PCDHA4: variants seen among roughly 807,000 people sequenced by gnomAD.
The protein encoded by PCDHA4 is protocadherin alpha 4.
PCDHA4 carries 49 observed loss-of-function variants against 61.4 expected under a neutral mutation model. That is an observed-to-expected ratio of 0.80 (90% confidence interval 0.63 to 1.01). The LOEUF is 1.01. PCDHA4 is among the 50% of genes least tolerant of loss of function. The probability of loss-of-function intolerance (pLI) is 0.00; values close to 1 mark genes in which losing one functional copy is unlikely to be tolerated. For synonymous variants in PCDHA4, 590 were observed against 550.3 expected (o/e 1.07, Z -1.01); for missense variants, 1,254 against 1,235.8 (o/e 1.01, Z -0.22).
intron 1 of PCDHA4, among the ~76,000 whole-genome samples, chr5:140,950,402 G>A (rs1459486068): frequency 6.6e-6 from 1 of 151,846 alleles, no homozygotes; most frequent in African/African-American, 2.4e-5. Context: ...AATTCTGGGG[G>A]ATTGACAGAT....
At chr5:140,920,294 A>T (rs1554199563) in intron 1 of PCDHA4, among the ~76,000 whole-genome samples, 9 of 152,206 alleles carry the variant, frequency 5.9e-5, no homozygotes. Context: ...TTTTAGAGGC[A>T]CTAAGAGAAA....
intron 1 of PCDHA4, chr5:140,882,543 G>A: frequency 6.2e-7 from 1 of 1,614,236 alleles, no homozygotes; most frequent in Non-Finnish European, 8.5e-7. Context: ...CGGATCGACC[G>A]CGAGGAGCTG....
chr5:140,848,256 A>T, intron 1 of PCDHA4: 1 of 476,798 alleles, frequency 2.1e-6, no homozygotes, highest in Admixed American at 3.8e-5. Context: ...ATAACTGTGA[A>T]ATTTTTATTC....
intron 1 of PCDHA4, chr5:140,828,635 G>GTGAAAATAAACAGTGA (rs2150157633): frequency 6.2e-7 from 1 of 1,614,212 alleles, no homozygotes; most frequent in Non-Finnish European, 8.5e-7. Flanking sequence ...CGGGCTAGAT[G>GTGAAAATAAACAGTGA]TGAAAATAAA....
intron 1 of PCDHA4, chr5:140,821,574 GT>G: frequency 1.7e-6 from 1 of 585,200 alleles, no homozygotes; most frequent in East Asian, 3.0e-5. Flanking sequence ...ACACCGGAAG[GT>G]TTTTCTCCCT....
intron 1 of PCDHA4, chr5:140,857,217 C>T: frequency 1.9e-6 from 3 of 1,598,492 alleles, no homozygotes; most frequent in South Asian, 2.2e-5. Flanking sequence ...TCTCTGACGC[C>T]TCACGTTCCG....
chr5:140,937,362 C>A lies in PCDHA4; in HGVS notation c.2386-41587C>A, dbSNP rs151333453. On this transcript the variant is annotated intron_variant, in intron 1 of 3. Coordinates refer to ENST00000530339, the MANE Select transcript of PCDHA4 (RefSeq NM_018907.4). ...TCTTCCATTTATTTTATTATTTTAT[C>A]TTAATGTTTATGTGTGTGTATGTGT... Among the ~76,000 whole-genome samples the A allele has an allele frequency of 4.1e-4, 62 of 152,138 alleles. No individual in the cohort carries two copies. In the East Asian group the frequency reaches 0.01, roughly 25 times the overall value.
Position 140,929,131 on chromosome 5 carries a change from G to A in PCDHA4, c.2386-49818G>A, listed in dbSNP as rs782040825. ...ATCAGCCACCATAGATGTCACTACA[G>A]TTGAGAGACTTTCTCAGACTTATCT... On this transcript the variant is annotated intron_variant, in intron 1 of 3. Coordinates refer to ENST00000530339, the MANE Select transcript of PCDHA4 (RefSeq NM_018907.4). 5.0e-6 allele frequency: 8 copies of A among 1,614,036 alleles called. No homozygotes were observed. The East Asian group carries it at 6.7e-5, about 13-fold the overall frequency.
At chr5:140,949,975 A>AT (rs2153688056) in intron 1 of PCDHA4, among the ~76,000 whole-genome samples, 1 of 152,044 alleles carries the variant, frequency 6.6e-6, no homozygotes, top group South Asian at 2.1e-4. Flanking sequence ...TACAGCATAC[A>AT]TACTTAACTT....
intron 1 of PCDHA4, chr5:140,856,537 G>A: frequency 1.9e-6 from 3 of 1,598,370 alleles, no homozygotes; most frequent in Non-Finnish European, 1.7e-6. Flanking sequence ...ATGTTGGAGA[G>A]AACGCATTGC....
chr5:140,852,585 T>TTA (rs1554145908), intron 1 of PCDHA4: 28 of 874,450 alleles, frequency 3.2e-5, no homozygotes, highest in Admixed American at 6.4e-5. Flanking sequence ...CTTTTTTATT[T>TTA]TTTTTTTTTG....
intron 1 of PCDHA4, among the ~76,000 whole-genome samples, chr5:140,905,536 T>A (rs1562950103): frequency 6.6e-6 from 1 of 152,286 alleles, no homozygotes; most frequent in East Asian, 1.9e-4. Flanking sequence ...TGGTTCCATA[T>A]GAACTTTAGG....
intron 1 of PCDHA4, among the ~76,000 whole-genome samples, chr5:140,840,071 T>C (rs1307463019): frequency 6.6e-6 from 1 of 151,952 alleles, no homozygotes; most frequent in Non-Finnish European, 1.5e-5. Flanking sequence ...AATTAGTCAA[T>C]AGAAAGATAA....
At chr5:140,813,261 TG>T (rs1289054885) in intron 1 of PCDHA4, 11 of 152,182 alleles carry the variant, frequency 7.2e-5, no homozygotes, top group African/African-American at 2.7e-4. Context: ...CTACAGTCAT[TG>T]GAGATACATT....
rs2150127652 is a variant in PCDHA4, at chr5:140,823,634, C to T, written c.2385+14062C>T. 143 of 1,613,942 alleles carry T rather than the reference C, an allele frequency of 8.9e-5. 1 individual carries two copies. Among genetic ancestry groups the T allele is most frequent in the Middle Eastern group, 1.6e-4 (1 of 6,080 alleles). On this transcript the variant is annotated intron_variant, in intron 1 of 3. Transcript: ENST00000530339. ...CCAGCGCCTGGCAGTGCGCGCATCC[C>T]GTTCCGCGTGGGGCTGTACACAGGC...
chr5:141,002,023 G>GC (rs1479327416), intron 3 of PCDHA4, among the ~76,000 whole-genome samples: 4 of 152,186 alleles, frequency 2.6e-5, no homozygotes, highest in Admixed American at 6.5e-5. Flanking sequence ...ACAGCCTTCG[G>GC]TGCCCTGACT....
In PCDHA4 at chr5:140,967,285, G is replaced by C. The variant is rs150694611; in HGVS notation, c.2386-11664G>C. 6,229 of 1,613,054 alleles carry C rather than the reference G, an allele frequency of 3.9e-3. 11 individuals carry two copies. The highest frequency in any genetic ancestry group is 5.0e-3 in the Non-Finnish European group (5,885 of 1,179,544). On this transcript the variant is annotated intron_variant, in intron 1 of 3. Coordinates refer to ENST00000530339, the MANE Select transcript of PCDHA4 (RefSeq NM_018907.4). Reference sequence around the variant, plus strand: ...CGCGCTTTCACATAGAGAGTGCGCAGGACCCCGACGTGGGCGCCAACTCAG... The same window carrying C: ...CGCGCTTTCACATAGAGAGTGCGCACGACCCCGACGTGGGCGCCAACTCAG...
chr5:140,875,642 C>T (rs2153326944), intron 1 of PCDHA4: 3 of 1,613,606 alleles, frequency 1.9e-6, no homozygotes, highest in East Asian at 4.5e-5. Context: ...CTGGAGCTGG[C>T]GGAGCTGGTG....
intron 1 of PCDHA4, among the ~76,000 whole-genome samples, chr5:140,943,004 C>T (rs1248261862): frequency 6.6e-6 from 1 of 151,842 alleles, no homozygotes; most frequent in East Asian, 1.9e-4. Context: ...TGCCTGTAAT[C>T]CCAGCACTTT....
Sources: gnomAD v4.1 joint callset for allele counts (sites outside exome capture counted in the v4.1 genomes callset) on GRCh38, gnomAD v4.1.1 for gene constraint, MANE v1.5 for transcripts, NCBI Gene and HGNC (gene_info 2026-07-23, HGNC 2026-07-21) for gene names.